The following PTPRF variants were observed in gnomAD, a reference collection of about 807,000 sequenced individuals.
PTPRF encodes receptor-type tyrosine-protein phosphatase F.
A neutral mutation model predicts 201.8 loss-of-function variants in PTPRF; 59 were observed. The observed-to-expected ratio is 0.29, with a 90% CI of 0.24 to 0.36. The LOEUF is 0.36. Among genes scored for constraint, PTPRF ranks in the 10% least tolerant of loss-of-function variants. The probability of loss-of-function intolerance (pLI) is 1.00; values close to 1 mark genes in which losing one functional copy is unlikely to be tolerated. For synonymous variants in PTPRF, 1,088 were observed against 1,089.7 expected (o/e 1.00, Z 0.03); for missense variants, 2,132 against 2,690.5 (o/e 0.79, Z 4.59).
chr1:43,567,372 T>C (rs1361404967), intron 5 of PTPRF, among the ~76,000 whole-genome samples: 1 of 152,204 alleles, frequency 6.6e-6, no homozygotes, highest in Non-Finnish European at 1.5e-5. Context: ...GTTGAACATT[T>C]TACTTTTAAA....
intron 7 of PTPRF, among the ~76,000 whole-genome samples, chr1:43,581,493 C>T (rs1414564337): frequency 6.6e-6 from 1 of 152,234 alleles, no homozygotes; most frequent in African/African-American, 2.4e-5. Context: ...CCCCATAGGC[C>T]CTACTGTCCT....
chr1:43,600,741 C>G (rs1488703352), intron 13 of PTPRF, among the ~76,000 whole-genome samples: 3 of 150,740 alleles, frequency 2.0e-5, no homozygotes, highest in Non-Finnish European at 2.9e-5. Flanking sequence ...CTCTCGTGGC[C>G]TGCATTTCTC....
intron 7 of PTPRF, among the ~76,000 whole-genome samples, chr1:43,583,309 C>T (rs1040184300): frequency 5.9e-5 from 9 of 152,138 alleles, no homozygotes; most frequent in Non-Finnish European, 1.3e-4. Context: ...TGGTGCACCA[C>T]GTGTCTGCAT....
At chr1:43,531,554 C>T (rs1421826623) in intron 1 of PTPRF, among the ~76,000 whole-genome samples, 2 of 148,910 alleles carry the variant, frequency 1.3e-5, no homozygotes, top group Non-Finnish European at 3.0e-5. Flanking sequence ...CCCCCGCCCC[C>T]GCCGCACAGG....
intron 21 of PTPRF, 35 bp from the exon 22 acceptor site, chr1:43,609,348 T>G (rs1297927116): frequency 6.3e-7 from 1 of 1,577,818 alleles, no homozygotes; most frequent in East Asian, 2.2e-5. Flanking sequence ...AGCCTGGACC[T>G]CAGGTTCTCA....
chr1:43,579,112 G>T (rs137905725), intron 7 of PTPRF, 192 bp downstream of exon 7: 1 of 715,922 alleles, frequency 1.4e-6, no homozygotes. Flanking sequence ...CCACTACTTC[G>T]CCTTCCTTCC....
Position 43,605,225 on chromosome 1 carries a change from G to A in PTPRF, c.3171G>A (p.Gly1057=). The A allele has an allele frequency of 1.9e-6, 3 of 1,605,188 alleles. No individual in the cohort carries two copies. The highest frequency in any genetic ancestry group is 8.5e-7 in the Non-Finnish European group (1 of 1,173,050). The change falls in exon 18 of 34, where the codon GGG becomes GGA. Residue 1057 remains glycine (G), a synonymous_variant. Transcript: ENST00000359947. ...ATGGGCAGAGTGTGGAGGTGGACGGGCACTCGATGCGGAAGCTGATCGCAG... is the reference window on the plus strand; with the variant it reads ...ATGGGCAGAGTGTGGAGGTGGACGGACACTCGATGCGGAAGCTGATCGCAG... ...LYNGQSVEVD[G]HSMRKLIADL...
chr1:43,602,818 G>T (rs1007357940), intron 14 of PTPRF, among the ~76,000 whole-genome samples: 3 of 152,168 alleles, frequency 2.0e-5, no homozygotes, highest in Non-Finnish European at 4.4e-5. Flanking sequence ...AGTTCCCCAG[G>T]TGTGGAGGTT....
rs1570237731 is a variant in PTPRF, at chr1:43,578,804, C to T, written c.569-6C>T. ...GTGCCTGACCTCTCGCTTCGTGTAC[C>T]CACAGGTGCCTTGCAGATAGAGAGC... On this transcript the variant is annotated splice_polypyrimidine_tract_variant and splice_region_variant and intron_variant, in intron 6 of 33. Transcript: ENST00000359947. The T allele has an allele frequency of 1.2e-6, 2 of 1,610,924 alleles. No individual in the cohort carries two copies. Among genetic ancestry groups the T allele is most frequent in the Non-Finnish European group, 8.5e-7 (1 of 1,177,658 alleles).
Position 43,569,759 on chromosome 1 carries a change from C to T in PTPRF, c.549C>T (p.Arg183=). Residue 183 remains arginine (R), a synonymous_variant, in exon 6 of 34, where the codon CGC becomes CGT. Transcript: ENST00000359947. ...TAGACCCTGCCACGAGCAACGGCCG[C>T]ATCAAGCAGCTGCGTTCAGGTGAGC... ...LPVDPATSNG[R]IKQLRSGALQ... is the part of the protein sequence containing the mutation. The T allele has an allele frequency of 6.2e-7, 1 of 1,611,828 alleles. No homozygotes were observed. The highest frequency in any genetic ancestry group is 8.5e-7 in the Non-Finnish European group (1 of 1,178,556).
intron 5 of PTPRF, among the ~76,000 whole-genome samples, chr1:43,565,531 C>T (rs1184036236): frequency 6.6e-6 from 1 of 152,154 alleles, no homozygotes; most frequent in Non-Finnish European, 1.5e-5. Context: ...GACTCGGGCT[C>T]TTGGGTACCT....
intron 5 of PTPRF, among the ~76,000 whole-genome samples, chr1:43,565,597 T>C (rs1332556114): frequency 3.9e-5 from 6 of 152,154 alleles, no homozygotes; most frequent in Non-Finnish European, 8.8e-5. Flanking sequence ...CACCCTCTTA[T>C]CAGGCCATGG....
rs113290421 is a variant in PTPRF, at chr1:43,592,644, G to GACAC, written c.1813+55_1813+58dup. On this transcript the variant is annotated intron_variant, in intron 11 of 33. Coordinates refer to ENST00000359947, the MANE Select transcript of PTPRF (RefSeq NM_002840.5). ...CCGCTGCCTGTTACACCTGGGCTGG[G>GACAC]ACACACACACACACATGCACACACA... 7.2e-4 allele frequency: 1,106 copies of GACAC among 1,528,236 alleles called. 1 individual carries two copies. The African/African-American group carries it at 8.3e-3, about 11-fold the overall frequency. The allele number at this position is 1,528,236 out of a possible 1,614,324, so 94.7% of individuals were successfully genotyped here.
chr1:43,575,053 A>C (rs1646832220), intron 6 of PTPRF, among the ~76,000 whole-genome samples: 1 of 152,186 alleles, frequency 6.6e-6, no homozygotes, highest in Non-Finnish European at 1.5e-5. Context: ...GGCAGGGTAG[A>C]CGTGGGCTGG....
intron 10 of PTPRF, 135 bp from the exon 11 acceptor site, chr1:43,592,322 T>C (rs953136096): frequency 1.1e-5 from 12 of 1,106,076 alleles, no homozygotes; most frequent in Admixed American, 9.7e-5. Context: ...TTGTGCTCCA[T>C]GTGGCCTTAT....
At chr1:43,576,954 C>T (rs1646968345) in intron 6 of PTPRF, among the ~76,000 whole-genome samples, 1 of 152,180 alleles carries the variant, frequency 6.6e-6, no homozygotes, top group African/African-American at 2.4e-5. Context: ...AATCCCCCTG[C>T]CCATCTACTC....
intron 5 of PTPRF, among the ~76,000 whole-genome samples, chr1:43,561,467 G>A (rs1259601019): frequency 6.6e-6 from 1 of 152,112 alleles, no homozygotes; most frequent in African/African-American, 2.4e-5. Flanking sequence ...CCTTTCTATT[G>A]TCTACATGTG....
At chr1:43,595,172 C>T (rs1035976274) in intron 11 of PTPRF, among the ~76,000 whole-genome samples, 3 of 151,974 alleles carry the variant, frequency 2.0e-5, no homozygotes, top group African/African-American at 7.3e-5. Flanking sequence ...TAGAGAGGGC[C>T]GTGGAGCTGA....
In PTPRF at chr1:43,531,099, C is replaced by G. The variant is rs1643419072; in HGVS notation, c.-126+9C>G. ...CGGCCCCTGGATAGGCGGTGAGTGA[C>G]CCCCCGGCCCCCCACCAGCCCCCTC... On this transcript the variant is annotated intron_variant, in intron 1 of 33. Coordinates refer to ENST00000359947, the MANE Select transcript of PTPRF (RefSeq NM_002840.5). The G allele has an allele frequency of 6.9e-6, 1 of 145,448 alleles. No individual in the cohort carries two copies. Among genetic ancestry groups the G allele is most frequent in the African/African-American group, 2.5e-5 (1 of 39,672 alleles). The allele number at this position is 145,448 out of a possible 1,614,324, so 9.0% of individuals were successfully genotyped here.
Sources: gnomAD v4.1 joint callset for allele counts (sites outside exome capture counted in the v4.1 genomes callset) on GRCh38, gnomAD v4.1.1 for gene constraint, MANE v1.5 for transcripts, NCBI Gene and HGNC (gene_info 2026-07-23, HGNC 2026-07-21) for gene names.